WNT3: variants seen among roughly 807,000 people sequenced by gnomAD.
WNT3 encodes Wnt family member 3.
In WNT3, 7 loss-of-function variants were observed where a neutral mutation model predicts 34.2. The ratio of observed to expected loss-of-function variants is 0.20; its 90% CI spans 0.12 to 0.38. The LOEUF is 0.38. Among genes scored for constraint, WNT3 ranks in the 10% least tolerant of loss-of-function variants. The probability of loss-of-function intolerance (pLI) is 1.00; values close to 1 mark genes in which losing one functional copy is unlikely to be tolerated. For missense variants in WNT3, 267 were observed against 499.8 expected (o/e 0.53, Z 4.44); for synonymous variants, 212 against 211.5 (o/e 1.00, Z -0.02).
chr17:46,805,616 T>C (rs2084185128), intron 1 of WNT3, among the ~76,000 whole-genome samples: 2 of 152,074 alleles, frequency 1.3e-5, no homozygotes, highest in African/African-American at 4.8e-5. Flanking sequence ...TAGCCACATA[T>C]GGTGCTTGCC....
intron 1 of WNT3, among the ~76,000 whole-genome samples, chr17:46,805,254 G>A (rs1325366253): frequency 1.3e-5 from 2 of 151,616 alleles, no homozygotes; most frequent in Non-Finnish European, 2.9e-5. Flanking sequence ...CAAGAGTAAT[G>A]TAGGGAGATG....
At chr17:46,780,568 C>T (rs1402280058) in intron 1 of WNT3, among the ~76,000 whole-genome samples, 1 of 152,172 alleles carries the variant, frequency 6.6e-6, no homozygotes, top group Non-Finnish European at 1.5e-5. Context: ...GCGGGAGGAT[C>T]ACGAGGTCAG....
chr17:46,779,893 G>A (rs546469340), intron 1 of WNT3, among the ~76,000 whole-genome samples: 2 of 152,206 alleles, frequency 1.3e-5, no homozygotes, highest in South Asian at 4.1e-4. Context: ...CAAGTAGCTG[G>A]GATAAGAGGC....
At chr17:46,779,101 A>ACACACACACACACC (rs1555683652) in intron 1 of WNT3, among the ~76,000 whole-genome samples, 4 of 139,974 alleles carry the variant, frequency 2.9e-5, no homozygotes, top group Non-Finnish European at 6.0e-5. Context: ...ACACACACAC[A>ACACACACACACACC]CACCCCAGCC....
At chr17:46,791,051 CTGTT>C (rs536011338) in intron 1 of WNT3, among the ~76,000 whole-genome samples, 30 of 152,196 alleles carry the variant, frequency 2.0e-4, no homozygotes, top group African/African-American at 6.5e-4. Context: ...TGGGGTGTAT[CTGTT>C]TGTGAGTAGG....
intron 1 of WNT3, among the ~76,000 whole-genome samples, chr17:46,780,847 C>T (rs578116298): frequency 1.3e-5 from 2 of 152,252 alleles, no homozygotes; most frequent in South Asian, 4.1e-4. Flanking sequence ...GTGCTACTCA[C>T]AGCAGCCAAA....
rs61006195 is a variant in WNT3, at chr17:46,763,846, A to AAT, written c.*783_*784insAT. The AAT allele has an allele frequency of 4.0e-5, 6 of 149,938 alleles. No individual in the cohort carries two copies. In the East Asian group the frequency reaches 1.2e-3, roughly 29 times the overall value. The allele number at this position is 149,938 out of a possible 1,614,324, so 9.3% of individuals were successfully genotyped here. A position where few individuals can be genotyped will look rare whatever the true frequency, so the allele number is the denominator to read the frequency against. ...CCACTACCACCAAAAAAAAAAAAAA[A>AAT]CAAAAAAACAAAAAAAAAACTGCAT... is the stretch of plus-strand genomic sequence containing the variant. On this transcript the variant is annotated 3_prime_UTR_variant, in exon 5 of 5. Coordinates refer to ENST00000225512, the MANE Select transcript of WNT3 (RefSeq NM_030753.5).
At chr17:46,764,974 T>C (rs1472214992) in intron 4 of WNT3, among the ~76,000 whole-genome samples, 2 of 152,256 alleles carry the variant, frequency 1.3e-5, no homozygotes, top group Non-Finnish European at 2.9e-5. Context: ...CCAAGTCAAC[T>C]GCTGTGCTGG....
chr17:46,773,622 C>A, intron 2 of WNT3, 46 bp downstream of exon 2: 1 of 506,088 alleles, frequency 2.0e-6, no homozygotes, highest in Non-Finnish European at 3.7e-6. Flanking sequence ...GTCCTGATCC[C>A]TCCCCCCACC....
rs563893647 is a variant in WNT3, at chr17:46,782,514, G to A, written c.81-8605C>T. 4.6e-5 allele frequency among the ~76,000 whole-genome samples: 7 copies of A among 152,350 alleles called. No homozygotes were observed. In the East Asian group the frequency reaches 1.3e-3, roughly 29 times the overall value. ...GAAACTTCTAGAAGGGAAAGGAAAG[G>A]TTTGAGGAAAGAGCAGGAAGTGAGG... On this transcript the variant is annotated intron_variant, in intron 1 of 4. Transcript: ENST00000225512.
intron 3 of WNT3, 47 bp downstream of exon 3, chr17:46,769,736 G>GC: frequency 5.6e-6 from 9 of 1,600,680 alleles, no homozygotes; most frequent in Non-Finnish European, 7.6e-6. Flanking sequence ...CGGAGGGGAA[G>GC]CGGGGGGCTG....
chr17:46,771,739 A>C (rs1452126179), intron 2 of WNT3, among the ~76,000 whole-genome samples: 6 of 120,668 alleles, frequency 5.0e-5, no homozygotes, highest in Admixed American at 7.8e-5. Flanking sequence ...CGAAATCCCC[A>C]TTGAAGCGGC....
At chr17:46,776,866 C>T (rs2059416707) in intron 1 of WNT3, among the ~76,000 whole-genome samples, 1 of 152,172 alleles carries the variant, frequency 6.6e-6, no homozygotes, top group African/African-American at 2.4e-5. Context: ...GAGACCCTTC[C>T]TCTGCCCTCC....
intron 1 of WNT3, among the ~76,000 whole-genome samples, chr17:46,801,344 G>A (rs2084122362): frequency 6.6e-6 from 1 of 152,346 alleles, no homozygotes; most frequent in East Asian, 1.9e-4. Flanking sequence ...AAGTGGCCGG[G>A]CACGGTGGCT....
At chr17:46,814,201 G>A (rs1009473062) in intron 1 of WNT3, among the ~76,000 whole-genome samples, 10 of 152,202 alleles carry the variant, frequency 6.6e-5, no homozygotes, top group Admixed American at 4.6e-4. Flanking sequence ...CCCCGGAGCT[G>A]TTGACAAAAT....
intron 1 of WNT3, among the ~76,000 whole-genome samples, chr17:46,802,563 C>G (rs1461564704): frequency 6.6e-6 from 1 of 152,166 alleles, no homozygotes; most frequent in Non-Finnish European, 1.5e-5. Context: ...CCACCGTGCC[C>G]GGCCAAGATT....
intron 1 of WNT3, among the ~76,000 whole-genome samples, chr17:46,816,119 A>ACACACACACACATGCACG (rs71138553): frequency 6.6e-6 from 1 of 150,552 alleles, no homozygotes; most frequent in East Asian, 2.0e-4. Context: ...ACGTACACAC[A>ACACACACACACATGCACG]CACACACACA....
chr17:46,811,446 G>A (rs1010081121), intron 1 of WNT3, among the ~76,000 whole-genome samples: 6 of 152,268 alleles, frequency 3.9e-5, no homozygotes, highest in Non-Finnish European at 5.9e-5. Context: ...TGGCAGAACC[G>A]TTGTGCACCT....
chr17:46,814,399 C>T (rs1159834049), intron 1 of WNT3, among the ~76,000 whole-genome samples: 1 of 152,184 alleles, frequency 6.6e-6, no homozygotes, highest in African/African-American at 2.4e-5. Context: ...GATCGGCCAC[C>T]AATTTTGCTC....
Sources: allele counts gnomAD v4.1 joint callset (sites outside exome capture counted in the v4.1 genomes callset), GRCh38; gene constraint gnomAD v4.1.1; transcripts MANE v1.5; gene names NCBI Gene and HGNC (gene_info 2026-07-23, HGNC 2026-07-21).